NTAQ1: variants seen among roughly 807,000 people sequenced by gnomAD.
NTAQ1 encodes the protein protein N-terminal glutamine amidohydrolase.
Under a neutral mutation model 28.2 loss-of-function variants are expected in NTAQ1, and 21 were observed. That is an observed-to-expected ratio of 0.74 (90% CI 0.53 to 1.07). The LOEUF is 1.07. Among genes scored for constraint, NTAQ1 ranks in the 50% least tolerant of loss-of-function variants. The pLI is 0.00. For missense variants in NTAQ1, 264 were observed against 256.6 expected (o/e 1.03, Z -0.20); for synonymous variants, 105 against 90.0 (o/e 1.17, Z -0.94).
Position 123,441,506 on chromosome 8 carries a change from G to A in NTAQ1, c.*91G>A. On this transcript the variant is annotated 3_prime_UTR_variant, in exon 6 of 6. Coordinates refer to ENST00000287387, the MANE Select transcript of NTAQ1 (RefSeq NM_018024.3). ...GGACAGCAAACATTATGGTACAGTT[G>A]GCTTGGAATTATGTCTTTCTCTTTT... The A allele has an allele frequency of 1.0e-6, 1 of 984,606 alleles. No homozygotes were observed. The highest frequency in any genetic ancestry group is 1.6e-6 in the Non-Finnish European group (1 of 642,296). The allele number at this position is 984,606 out of a possible 1,614,324, so 61.0% of individuals were successfully genotyped here. A position where few individuals can be genotyped will look rare whatever the true frequency, so the allele number is the denominator to read the frequency against.
chr8:123,464,507 G>A (rs181291116), intron 6 of NTAQ1, among the ~76,000 whole-genome samples: 15 of 152,338 alleles, frequency 9.8e-5, no homozygotes, highest in African/African-American at 3.6e-4. Flanking sequence ...ACTGGAGAGA[G>A]CATTGCCAGG....
rs183449600 is a variant in NTAQ1, at chr8:123,455,247, C to T, written c.373-11832C>T. 7.6e-3 allele frequency: 1,150 copies of T among 152,288 alleles called. 10 individuals carry two copies. Among genetic ancestry groups the T allele is most frequent in the Admixed American group, 0.012 (186 of 15,272 alleles). The allele number at this position is 152,288 out of a possible 1,614,324, so 9.4% of individuals were successfully genotyped here. ...TGGTGATTGAGTCCATGCACACCTC[C>T]GTCCCTGCCGCCATGGCTGCTTGGT... On this transcript the variant is annotated intron_variant, in intron 6 of 6. Transcript: ENST00000650311.
downstream of NTAQ1, among the ~76,000 whole-genome samples, chr8:123,473,573 G>A (rs1434299732): frequency 6.6e-6 from 1 of 152,190 alleles, no homozygotes; most frequent in Non-Finnish European, 1.5e-5. Context: ...TTATAGGCAT[G>A]AGCCACCATG....
At chr8:123,423,043 A>C (rs1813805550) in intron 1 of NTAQ1, among the ~76,000 whole-genome samples, 2 of 152,206 alleles carry the variant, frequency 1.3e-5, no homozygotes, top group Admixed American at 6.5e-5. Context: ...TGTTTTGGTT[A>C]CTATAGCCTT....
downstream of NTAQ1, among the ~76,000 whole-genome samples, chr8:123,449,431 G>A (rs767300613): frequency 2.0e-5 from 3 of 152,082 alleles, no homozygotes; most frequent in Non-Finnish European, 2.9e-5. Flanking sequence ...AAAAGAGCTG[G>A]AGGGCTGCGT....
exon 7 of NTAQ1, among the ~76,000 whole-genome samples, chr8:123,469,469 T>C (rs532229596): frequency 3.2e-4 from 48 of 152,342 alleles, no homozygotes; most frequent in African/African-American, 1.1e-3. Context: ...ATCCCACTGA[T>C]AATGTGAACT....
chr8:123,460,390 C>G (rs1815787218), intron 6 of NTAQ1, among the ~76,000 whole-genome samples: 1 of 152,176 alleles, frequency 6.6e-6, no homozygotes, highest in South Asian at 2.1e-4. Flanking sequence ...GAACCTGGGC[C>G]TGACTCCAGA....
In NTAQ1 at chr8:123,460,494, G is replaced by C. The variant is rs1001572414; in HGVS notation, c.373-6585G>C. On this transcript the variant is annotated intron_variant, in intron 6 of 6. Transcript: ENST00000650311. The stretch of plus-strand genomic sequence containing the variant: ...TTCTTGTGCTGGTCTTGGGTCTAAG[G>C]AGGGGCATATTGCAGAGGTGAGAGC... 1.3e-4 allele frequency among the ~76,000 whole-genome samples: 20 copies of C among 152,310 alleles called. 1 individual carries two copies. Among genetic ancestry groups the C allele is most frequent in the African/African-American group, 4.8e-4 (20 of 41,564 alleles).
chr8:123,431,045 A>G (rs1414439207), intron 3 of NTAQ1, among the ~76,000 whole-genome samples: 1 of 152,168 alleles, frequency 6.6e-6, no homozygotes, highest in African/African-American at 2.4e-5. Context: ...CCCCTAAAGA[A>G]TGGAGGCTAG....
At chr8:123,420,590 C>CTTTTTTTTTT (rs71310676) in intron 1 of NTAQ1, among the ~76,000 whole-genome samples, 1 of 102,034 alleles carries the variant, frequency 9.8e-6, no homozygotes, top group African/African-American at 3.7e-5. Context: ...TATTTTTTGC[C>CTTTTTTTTTT]TTTTTTTTTT....
At chr8:123,416,758 G>T, upstream of NTAQ1, 1 of 1,278,450 alleles carries the variant, frequency 7.8e-7, no homozygotes, top group Non-Finnish European at 1.0e-6. Flanking sequence ...CCCCACGCCG[G>T]GAACCCACGC....
chr8:123,475,186 C>G, the NTAQ1 span, among the ~76,000 whole-genome samples: 3 of 152,308 alleles, frequency 2.0e-5, no homozygotes, highest in East Asian at 5.8e-4. Context: ...GGTTCCAGCT[C>G]TGGGCATTAG....
intron 6 of NTAQ1, among the ~76,000 whole-genome samples, chr8:123,454,493 G>A (rs1248742381): frequency 2.0e-5 from 3 of 152,028 alleles, no homozygotes; most frequent in Admixed American, 6.6e-5. Flanking sequence ...CCAGCCTCCC[G>A]AGTAGCTGGG....
downstream of NTAQ1, among the ~76,000 whole-genome samples, chr8:123,451,866 T>G (rs1815506252): frequency 6.6e-6 from 1 of 152,242 alleles, no homozygotes; most frequent in African/African-American, 2.4e-5. Context: ...TAAAGTCTTG[T>G]GCTTTGAATT....
chr8:123,475,211 T>G, the NTAQ1 span, among the ~76,000 whole-genome samples: 1 of 152,260 alleles, frequency 6.6e-6, no homozygotes, highest in Non-Finnish European at 1.5e-5. Flanking sequence ...TTAAACAGGT[T>G]GGCTCCTGTA....
At chr8:123,471,807 A>ATTT (rs1471254149), downstream of NTAQ1, among the ~76,000 whole-genome samples, 2 of 152,202 alleles carry the variant, frequency 1.3e-5, no homozygotes, top group African/African-American at 4.8e-5. Context: ...CTGTCTACCA[A>ATTT]TATAAGTGTT....
chr8:123,457,562 T>C (rs1352241543), intron 6 of NTAQ1, among the ~76,000 whole-genome samples: 1 of 152,128 alleles, frequency 6.6e-6, no homozygotes, highest in Non-Finnish European at 1.5e-5. Flanking sequence ...AAAACGTGTA[T>C]TTGCTTATAT....
chr8:123,450,985 T>C (rs76398468), downstream of NTAQ1, among the ~76,000 whole-genome samples: 2,619 of 152,344 alleles, frequency 0.017, 71 homozygotes, highest in African/African-American at 0.058. Flanking sequence ...CTACCCTGGC[T>C]CTCAGGCCCT....
intron 5 of NTAQ1, 87 bp downstream of exon 5, chr8:123,437,421 T>A (rs921396324): frequency 2.6e-6 from 4 of 1,558,568 alleles, no homozygotes; most frequent in South Asian, 1.2e-5. Flanking sequence ...AAAGTCAGGT[T>A]GTTCTTTGAA....
Sources: allele counts gnomAD v4.1 joint callset (sites outside exome capture counted in the v4.1 genomes callset), GRCh38; gene constraint gnomAD v4.1.1; transcripts MANE v1.5; gene names NCBI Gene and HGNC (gene_info 2026-07-23, HGNC 2026-07-21).